Variants in RAB10 observed in about 807,000 individuals in gnomAD.
RAB10 encodes ras-related protein Rab-10.
A neutral mutation model predicts 25.7 loss-of-function variants in RAB10; 5 were observed. That is an observed-to-expected ratio of 0.19 (90% CI 0.10 to 0.41). The LOEUF (loss-of-function observed/expected upper bound fraction) is 0.41. Ranked by LOEUF, RAB10 falls within the 10% of genes least tolerant of loss-of-function variation. RAB10 has a pLI of 1.00. For missense variants in RAB10, 103 were observed against 245.8 expected (o/e 0.42, Z 3.89); for synonymous variants, 89 against 86.4 (o/e 1.03, Z -0.16).
chr2:26,090,878 G>A lies in RAB10; in HGVS notation c.128-7784G>A, dbSNP rs570780222. Among the ~76,000 whole-genome samples, 116 of 151,658 alleles carry A rather than the reference G, an allele frequency of 7.6e-4. 1 individual carries two copies. The highest frequency in any genetic ancestry group is 1.3e-3 in the Non-Finnish European group (87 of 67,958). On this transcript the variant is annotated intron_variant, in intron 1 of 5. Coordinates refer to ENST00000264710, the MANE Select transcript of RAB10 (RefSeq NM_016131.5). The stretch of plus-strand genomic sequence containing the variant: ...GAACCTGAGAGGTGGAGGTTGCAGT[G>A]AGCTGAGATCATGCCACCGCATTCA...
chr2:26,039,408 C>T (rs187077011), intron 1 of RAB10, among the ~76,000 whole-genome samples: 281 of 151,910 alleles, frequency 1.8e-3, no homozygotes, highest in African/African-American at 6.5e-3. Flanking sequence ...TGTAGTGGCG[C>T]GATCTGGGCT....
chr2:26,113,142 G>C (rs1362822841), intron 3 of RAB10, among the ~76,000 whole-genome samples: 1 of 152,124 alleles, frequency 6.6e-6, no homozygotes, highest in Non-Finnish European at 1.5e-5. Context: ...TATATAACAT[G>C]ATCAAGAGGA....
At chr2:26,035,961 G>A (rs1559574416) in intron 1 of RAB10, among the ~76,000 whole-genome samples, 1 of 151,878 alleles carries the variant, frequency 6.6e-6, no homozygotes, top group African/African-American at 2.4e-5. Flanking sequence ...ACCTTTTTTG[G>A]GAGGCAAATT....
At chr2:26,105,644 AAAAAAT>A (rs1293987192) in intron 2 of RAB10, among the ~76,000 whole-genome samples, 2 of 152,202 alleles carry the variant, frequency 1.3e-5, no homozygotes, top group African/African-American at 4.8e-5. Context: ...CGTCTCAGGA[AAAAAAT>A]AAAAAGAAAA....
At chr2:26,060,002 A>G (rs1666361952) in intron 1 of RAB10, among the ~76,000 whole-genome samples, 1 of 152,232 alleles carries the variant, frequency 6.6e-6, no homozygotes, top group South Asian at 2.1e-4. Context: ...AGGCCATACC[A>G]TCATGGTCAT....
intron 1 of RAB10, among the ~76,000 whole-genome samples, chr2:26,057,647 G>A (rs949617196): frequency 1.1e-4 from 2 of 19,034 alleles, no homozygotes; most frequent in Admixed American, 9.5e-4. Flanking sequence ...TTCAGAGACG[G>A]GGTCTCACTC....
chr2:26,070,197 T>C (rs535234645), intron 1 of RAB10, among the ~76,000 whole-genome samples: 36 of 152,262 alleles, frequency 2.4e-4, no homozygotes, highest in Non-Finnish European at 4.4e-4. Context: ...TTGGCCTCAG[T>C]TTTTCAGAGT....
rs1403729487 is a variant in RAB10, at chr2:26,085,517, AAGAC to A, written c.128-13142_128-13139del. Among the ~76,000 whole-genome samples, 3 of 151,914 alleles carry A rather than the reference AAGAC, an allele frequency of 2.0e-5. No individual in the cohort carries two copies. In the East Asian group the frequency reaches 5.8e-4, roughly 29 times the overall value. ...AAAAAAAAAAAAAAAGTTATGCAAA[AAGAC>A]AGCACTTTCAGGTCACCAGCTTGAC... is the stretch of plus-strand genomic sequence containing the variant. On this transcript the variant is annotated intron_variant, in intron 1 of 5. Coordinates refer to ENST00000264710, the MANE Select transcript of RAB10 (RefSeq NM_016131.5).
In RAB10 at chr2:26,034,476, G is replaced by A. The variant is rs1665718930; in HGVS notation, c.-133G>A. 1.6e-6 allele frequency: 2 copies of A among 1,244,158 alleles called. No individual in the cohort carries two copies. Among genetic ancestry groups the A allele is most frequent in the Non-Finnish European group, 2.2e-6 (2 of 906,546 alleles). 77.1% of individuals were successfully genotyped at this position (1,244,158 alleles called of 1,614,324 possible). ...CCTCAAAGCTGTTCGTAGGTCGCCC[G>A]CGCCGTCTCGAGCCTTTTTCCCACG... On this transcript the variant is annotated 5_prime_UTR_variant, in exon 1 of 6. Transcript: ENST00000264710.
intron 1 of RAB10, among the ~76,000 whole-genome samples, chr2:26,084,365 AGT>A (rs1666933874): frequency 1.3e-5 from 2 of 152,190 alleles, no homozygotes; most frequent in South Asian, 4.1e-4. Flanking sequence ...GTGTGTAGTA[AGT>A]GTGGTTTACC....
At chr2:26,108,245 C>T (rs1030962920) in intron 2 of RAB10, among the ~76,000 whole-genome samples, 2 of 152,160 alleles carry the variant, frequency 1.3e-5, no homozygotes, top group Non-Finnish European at 2.9e-5. Context: ...CTGGAAACAA[C>T]CCTGAATGTC....
chr2:26,102,338 G>T (rs1222058409), intron 2 of RAB10, among the ~76,000 whole-genome samples: 1 of 151,770 alleles, frequency 6.6e-6, no homozygotes, highest in Non-Finnish European at 1.5e-5. Context: ...CTGGTAGAAT[G>T]AAAGAATGGG....
intron 1 of RAB10, among the ~76,000 whole-genome samples, chr2:26,035,668 A>G (rs1665749860): frequency 1.3e-5 from 2 of 152,232 alleles, no homozygotes; most frequent in South Asian, 2.1e-4. Flanking sequence ...CCGCTCCGCA[A>G]TAAATTTCTT....
chr2:26,062,208 A>G (rs1666413680), intron 1 of RAB10, among the ~76,000 whole-genome samples: 1 of 152,258 alleles, frequency 6.6e-6, no homozygotes, highest in Non-Finnish European at 1.5e-5. Flanking sequence ...TTAAAAACAT[A>G]GTAATAGATT....
At chr2:26,078,513 GAT>G (rs1666787438) in intron 1 of RAB10, among the ~76,000 whole-genome samples, 5 of 152,182 alleles carry the variant, frequency 3.3e-5, no homozygotes, top group Admixed American at 3.3e-4. Flanking sequence ...TAAAACTTTA[GAT>G]TTCTGGTCAG....
intron 2 of RAB10, among the ~76,000 whole-genome samples, chr2:26,104,283 G>A (rs969714497): frequency 2.0e-5 from 3 of 152,206 alleles, no homozygotes; most frequent in Non-Finnish European, 4.4e-5. Flanking sequence ...GTGGTGGGGA[G>A]CTAGGTTGGT....
At chr2:26,098,768 T>C (rs2149280187) in intron 2 of RAB10, 46 bp downstream of exon 2, 3 of 1,452,046 alleles carry the variant, frequency 2.1e-6, no homozygotes, top group East Asian at 4.6e-5. Flanking sequence ...TCAGGTTCCT[T>C]AAGGTTTCAC....
intron 1 of RAB10, among the ~76,000 whole-genome samples, chr2:26,038,651 G>C (rs6546715): frequency 6.6e-6 from 1 of 151,662 alleles, no homozygotes; most frequent in Non-Finnish European, 1.5e-5. Flanking sequence ...GGCGGGGCGC[G>C]ATGGCTCACG....
chr2:26,070,208 A>G (rs1172900837), intron 1 of RAB10, among the ~76,000 whole-genome samples: 3 of 152,230 alleles, frequency 2.0e-5, no homozygotes, highest in Admixed American at 6.5e-5. Context: ...TTTTCAGAGT[A>G]GAGAATTTGC....
Sources: allele counts gnomAD v4.1 joint callset (sites outside exome capture counted in the v4.1 genomes callset), GRCh38; gene constraint gnomAD v4.1.1; transcripts MANE v1.5; gene names NCBI Gene and HGNC (gene_info 2026-07-23, HGNC 2026-07-21).